Variants in SPTLC1 observed in about 807,000 individuals in gnomAD.
The protein encoded by SPTLC1 is serine palmitoyltransferase long chain base subunit 1.
Under a neutral mutation model 68.9 loss-of-function variants are expected in SPTLC1, and 55 were observed. The ratio of observed to expected loss-of-function variants is 0.80; its 90% CI spans 0.64 to 1.00. SPTLC1 has a LOEUF of 1.00. SPTLC1 is among the 50% of genes least tolerant of loss of function. The probability of loss-of-function intolerance (pLI) is 0.00; values close to 1 mark genes in which losing one functional copy is unlikely to be tolerated. For missense variants in SPTLC1, 449 were observed against 573.1 expected, an observed-to-expected ratio of 0.78 and a Z score of 2.21; for synonymous variants, 197 against 201.6, an observed-to-expected ratio of 0.98 and a Z score of 0.19.
chr9:92,080,926 A>G lies in SPTLC1; in HGVS notation c.298T>C (p.Cys100Arg). 6.2e-7 allele frequency: 1 copy of G among 1,614,142 alleles called. No homozygotes were observed. Among genetic ancestry groups the G allele is most frequent in the South Asian group, 1.1e-5 (1 of 91,074 alleles). ...SHKTVVNGKE[C>R]INFASFNFLG... ...AAATTAAATGAGGCGAAGTTTATAC[A>G]TTCTTTTCCATTCACCACAGTTTTG... The change falls in exon 4 of 15, where the codon TGT becomes CGT. Residue 100 changes from cysteine (C) to arginine (R), a missense_variant. Coordinates refer to ENST00000262554, the MANE Select transcript of SPTLC1 (RefSeq NM_006415.4).
At chr9:92,036,086 C>T (rs1052820133) in intron 13 of SPTLC1, among the ~76,000 whole-genome samples, 7 of 152,082 alleles carry the variant, frequency 4.6e-5, no homozygotes, top group Admixed American at 2.0e-4. Context: ...ACAAAAGATT[C>T]GGAAGATTTT....
chr9:92,095,175 T>C (rs1191200370), intron 3 of SPTLC1, among the ~76,000 whole-genome samples: 1 of 152,120 alleles, frequency 6.6e-6, no homozygotes, highest in Non-Finnish European at 1.5e-5. Flanking sequence ...AAGACTCCAG[T>C]AGCTAAAAAG....
At chr9:92,077,275 G>C (rs1834714334) in intron 5 of SPTLC1, among the ~76,000 whole-genome samples, 1 of 152,030 alleles carries the variant, frequency 6.6e-6, no homozygotes, top group Non-Finnish European at 1.5e-5. Flanking sequence ...CCTTCAACAG[G>C]CTAGACAGGA....
chr9:92,052,777 C>A (rs1029804734), intron 8 of SPTLC1, among the ~76,000 whole-genome samples: 7 of 152,094 alleles, frequency 4.6e-5, no homozygotes, highest in Non-Finnish European at 1.0e-4. Flanking sequence ...AATGATTCAC[C>A]TGCCTCGGCC....
chr9:92,087,528 G>T (rs963448712), intron 3 of SPTLC1, among the ~76,000 whole-genome samples: 18 of 152,198 alleles, frequency 1.2e-4, no homozygotes, highest in African/African-American at 4.3e-4. Flanking sequence ...TATTTGCCTG[G>T]CTATCAGCAG....
At chr9:92,078,741 C>T (rs1356239291) in intron 5 of SPTLC1, among the ~76,000 whole-genome samples, 1 of 152,200 alleles carries the variant, frequency 6.6e-6, no homozygotes, top group Non-Finnish European at 1.5e-5. Context: ...AGGCATGAGC[C>T]ACTAAACCTG....
intron 3 of SPTLC1, among the ~76,000 whole-genome samples, chr9:92,093,779 A>C (rs1835445246): frequency 6.6e-6 from 1 of 152,200 alleles, no homozygotes. Flanking sequence ...AAACTTCAAT[A>C]ATTACACAGA....
intron 12 of SPTLC1, among the ~76,000 whole-genome samples, chr9:92,038,686 T>C (rs1045033461): frequency 4.6e-5 from 7 of 152,322 alleles, no homozygotes; most frequent in African/African-American, 1.7e-4. Context: ...TCCCTTGCCA[T>C]GTGCTCCCTC....
In SPTLC1 at chr9:92,032,122, G is replaced by C. The variant is rs1832982654; in HGVS notation, c.*343C>G. The stretch of plus-strand genomic sequence containing the variant: ...CCATTACTATTAGAGGGAGGGAAGA[G>C]ACACTGAAGCTCCAGTTTTAAACGA... On this transcript the variant is annotated 3_prime_UTR_variant, in exon 15 of 15. Transcript: ENST00000262554. 12 of 664,098 alleles carry C rather than the reference G, an allele frequency of 1.8e-5. No homozygotes were observed. Among genetic ancestry groups the C allele is most frequent in the Non-Finnish European group, 3.0e-5 (12 of 401,544 alleles). The allele number at this position is 664,098 out of a possible 1,614,324, so 41.1% of individuals were successfully genotyped here.
chr9:92,048,984 T>TA (rs1295829892), intron 9 of SPTLC1, among the ~76,000 whole-genome samples: 1 of 152,168 alleles, frequency 6.6e-6, no homozygotes, highest in Admixed American at 6.5e-5. Context: ...TTTTCCTCCA[T>TA]AAAAATTTTC....
intron 3 of SPTLC1, among the ~76,000 whole-genome samples, chr9:92,086,960 C>A (rs1835164463): frequency 6.6e-6 from 1 of 152,160 alleles, no homozygotes; most frequent in Admixed American, 6.5e-5. Context: ...TCTTTTTTCT[C>A]TAAACTTCCC....
At chr9:92,097,921 T>C (rs1181620418) in intron 3 of SPTLC1, among the ~76,000 whole-genome samples, 1 of 152,200 alleles carries the variant, frequency 6.6e-6, no homozygotes. Flanking sequence ...AAGGCTTCTG[T>C]CTAAAGGAAA....
chr9:92,033,805 C>T (rs888114904), intron 14 of SPTLC1, among the ~76,000 whole-genome samples: 2 of 152,154 alleles, frequency 1.3e-5, no homozygotes, highest in Admixed American at 1.3e-4. Context: ...CCTCGGTCTC[C>T]CAGGTGTTGA....
intron 2 of SPTLC1, chr9:92,110,157 GAA>G (rs1356073022): frequency 6.6e-6 from 1 of 152,166 alleles, no homozygotes; most frequent in East Asian, 1.9e-4. Context: ...GACAAAGTCT[GAA>G]AAAGAGTAAT....
intron 6 of SPTLC1, among the ~76,000 whole-genome samples, chr9:92,066,399 C>T (rs934677331): frequency 6.6e-6 from 1 of 152,086 alleles, no homozygotes; most frequent in African/African-American, 2.4e-5. Flanking sequence ...AGGTGTGGGA[C>T]GGCCTCCCTG....
Position 92,055,413 on chromosome 9 carries a change from G to A in SPTLC1, c.772C>T (p.Pro258Ser), listed in dbSNP as rs1833853121. ...TGAACATGGTTGCTTACCAATTCTGGAAGAGGACAAATAGTTCCAGTATTC... is the reference window on the plus strand; with the variant it reads ...TGAACATGGTTGCTTACCAATTCTGAAAGAGGACAAATAGTTCCAGTATTC... ...YMNTGTICPL[P>S]ELVKLKYKYK... The change falls in exon 8 of 15, where the codon CCA (proline) becomes TCA (serine). Residue 258 changes from proline to serine, a missense_variant. By Grantham distance (74) the Pro-to-Ser change is moderately conservative. Coordinates refer to ENST00000262554, the MANE Select transcript of SPTLC1 (RefSeq NM_006415.4). 2 of 1,613,664 alleles carry A rather than the reference G, an allele frequency of 1.2e-6. No individual in the cohort carries two copies. The highest frequency in any genetic ancestry group is 2.2e-5 in the South Asian group (2 of 91,078).
intron 1 of SPTLC1, 95 bp from the exon 2 acceptor site, chr9:92,112,657 C>T: frequency 1.3e-6 from 1 of 773,772 alleles, no homozygotes; most frequent in Non-Finnish European, 2.2e-6. Flanking sequence ...CCTCCTGTGA[C>T]TTTTAGCCTA....
At chr9:92,039,007 T>C (rs1313334980) in intron 12 of SPTLC1, among the ~76,000 whole-genome samples, 1 of 151,796 alleles carries the variant, frequency 6.6e-6, no homozygotes, top group African/African-American at 2.4e-5. Flanking sequence ...ATTGGCCGAG[T>C]GTGGTGGCTT....
chr9:92,091,962 A>G (rs1454158873), intron 3 of SPTLC1, among the ~76,000 whole-genome samples: 4 of 152,190 alleles, frequency 2.6e-5, no homozygotes, highest in Non-Finnish European at 5.9e-5. Flanking sequence ...CGATGTAAAA[A>G]TGCTGAGCCC....
Sources: allele counts gnomAD v4.1 joint callset (sites outside exome capture counted in the v4.1 genomes callset), GRCh38; gene constraint gnomAD v4.1.1; transcripts MANE v1.5; gene names NCBI Gene and HGNC (gene_info 2026-07-23, HGNC 2026-07-21).